The following ROCK2 variants were observed in gnomAD, a reference collection of about 807,000 sequenced individuals.
The protein encoded by ROCK2 is Rho associated coiled-coil containing protein kinase 2.
In ROCK2, 61 loss-of-function variants were observed where a neutral mutation model predicts 195.1. The observed-to-expected ratio is 0.31, with a 90% CI of 0.25 to 0.39. The LOEUF (loss-of-function observed/expected upper bound fraction) is 0.39, where lower values mean the gene tolerates loss of function less well. Ranked by LOEUF, ROCK2 falls within the 10% of genes least tolerant of loss-of-function variation. The pLI is 1.00. For synonymous variants in ROCK2, 504 were observed against 545.5 expected (o/e 0.92, Z 1.06); for missense variants, 1,109 against 1,637.4 (o/e 0.68, Z 5.57).
At chr2:11,301,395 G>A (rs762226853) in intron 1 of ROCK2, among the ~76,000 whole-genome samples, 3 of 151,922 alleles carry the variant, frequency 2.0e-5, no homozygotes, top group Admixed American at 6.6e-5. Flanking sequence ...TCCAGTCATA[G>A]TGTATATACT....
At chr2:11,302,456 C>CT (rs1667738153) in intron 1 of ROCK2, among the ~76,000 whole-genome samples, 1 of 152,064 alleles carries the variant, frequency 6.6e-6, no homozygotes, top group Admixed American at 6.6e-5. Flanking sequence ...TACAGGCACC[C>CT]CTAACATTAT....
Position 11,179,767 on chromosome 2 carries a change from C to T in ROCK2, c.*3670G>A, listed in dbSNP as rs1476788078. On this transcript the variant is annotated 3_prime_UTR_variant, in exon 33 of 33. Transcript: ENST00000315872. ...ATTTCACAGGAGAAGTATGAAAATGCTTATGTCTCCATTTATTTTATTTTA... is the reference window on the plus strand; with the variant it reads ...ATTTCACAGGAGAAGTATGAAAATGTTTATGTCTCCATTTATTTTATTTTA... 1.3e-5 allele frequency: 2 copies of T among 152,052 alleles called. No homozygotes were observed. Among genetic ancestry groups the T allele is most frequent in the African/African-American group, 2.4e-5 (1 of 41,400 alleles). 9.4% of individuals were successfully genotyped at this position (152,052 alleles called of 1,614,324 possible).
chr2:11,295,685 G>A (rs746814180), intron 1 of ROCK2, among the ~76,000 whole-genome samples: 8 of 152,100 alleles, frequency 5.3e-5, no homozygotes, highest in Non-Finnish European at 8.8e-5. Flanking sequence ...GGCCTGGCAT[G>A]ATGGCTCACG....
chr2:11,247,491 C>G (rs547829273), intron 4 of ROCK2, among the ~76,000 whole-genome samples: 2 of 152,218 alleles, frequency 1.3e-5, no homozygotes, highest in Admixed American at 1.3e-4. Flanking sequence ...TTCAATTGTA[C>G]TATGTTTCAC....
rs185753161 is a variant in ROCK2, at chr2:11,259,725, G to A, written c.325-9927C>T. On this transcript the variant is annotated intron_variant, in intron 3 of 32. Transcript: ENST00000315872. ...AGCAGTCCTATTTGGCACTACTTTT[G>A]GATTAATTTTATCTTTAAAATATAC... 7.9e-4 allele frequency among the ~76,000 whole-genome samples: 119 copies of A among 151,138 alleles called. No homozygotes were observed. In the East Asian group the frequency reaches 0.021, roughly 27 times the overall value.
rs779355928 is a variant in ROCK2 at position 11,221,207 on chromosome 2, C to G, written c.1250G>C (p.Arg417Thr). The change falls in exon 9 of 33, where the codon AGA becomes ACA. Residue 417 changes from arginine to threonine, a missense_variant. Arg to Thr is a moderately conservative substitution (Grantham distance 71). Around this residue, in one of 6 missense-constraint regions of ROCK2, gnomAD observed 542 missense variants for 672.0 expected, o/e 0.81. Transcript: ENST00000315872. ...QLPFIGFTYY[R>T]ENLLLSDSPS... Reference sequence around the variant, plus strand: ...ATAATAAACCACATACAAATTTTCTCTATAGTAGGTAAATCCGATGAAAGG... The same window carrying G: ...ATAATAAACCACATACAAATTTTCTGTATAGTAGGTAAATCCGATGAAAGG... 1.3e-6 allele frequency: 2 copies of G among 1,561,190 alleles called. No homozygotes were observed. Among genetic ancestry groups the G allele is most frequent in the East Asian group, 2.3e-5 (1 of 42,594 alleles).
intron 32 of ROCK2, among the ~76,000 whole-genome samples, chr2:11,186,457 T>TC (rs2148020809): frequency 6.6e-6 from 1 of 152,308 alleles, no homozygotes; most frequent in South Asian, 2.1e-4. Flanking sequence ...TACAACCCTC[T>TC]CCCTCATCCC....
rs932075660 is a variant in ROCK2 at position 11,218,441 on chromosome 2, C to A, written c.1332+14G>T. The A allele has an allele frequency of 4.5e-6, 7 of 1,554,416 alleles. No homozygotes were observed. In the African/African-American group the frequency reaches 5.5e-5, roughly 12 times the overall value. On this transcript the variant is annotated intron_variant, in intron 11 of 32. Coordinates refer to ENST00000315872, the MANE Select transcript of ROCK2 (RefSeq NM_004850.5). ...TTTCTCAGTTTTTCAATATATCTGA[C>A]AACATCAACATACCTCTTGACTTTC...
In ROCK2 at chr2:11,216,221, A is replaced by C; in HGVS notation, c.1413-15T>G. 1 of 1,574,936 alleles carries C rather than the reference A, an allele frequency of 6.3e-7. No individual in the cohort carries two copies. On this transcript the variant is annotated splice_polypyrimidine_tract_variant and intron_variant, in intron 12 of 32. Coordinates refer to ENST00000315872, the MANE Select transcript of ROCK2 (RefSeq NM_004850.5). ...TATTAACAGATCTAAAGAATTTCAG[A>C]AAGAAACAGTAAATAACTTCTAATT...
At chr2:11,207,410 C>T (rs943000332) in intron 20 of ROCK2, among the ~76,000 whole-genome samples, 4 of 152,092 alleles carry the variant, frequency 2.6e-5, no homozygotes, top group Non-Finnish European at 4.4e-5. Flanking sequence ...AACAGGCACA[C>T]GGACAATAAG....
chr2:11,248,219 G>A (rs1665688622), intron 4 of ROCK2, among the ~76,000 whole-genome samples: 1 of 149,818 alleles, frequency 6.7e-6, no homozygotes, highest in Non-Finnish European at 1.5e-5. Flanking sequence ...TTTTTTGGGG[G>A]GGGATGGGGG....
Position 11,183,209 on chromosome 2 carries a change from T to C in ROCK2, c.*228A>G. Reference sequence around the variant, plus strand: ...GAAAAGTCTGGAAGAGTTGCATATATCCTTAGTCTATCAACCAATCATTGT... The same window carrying C: ...GAAAAGTCTGGAAGAGTTGCATATACCCTTAGTCTATCAACCAATCATTGT... On this transcript the variant is annotated 3_prime_UTR_variant, in exon 33 of 33. Transcript: ENST00000315872. 2.2e-6 allele frequency: 1 copy of C among 449,632 alleles called. No homozygotes were observed. Among genetic ancestry groups the C allele is most frequent in the Non-Finnish European group, 4.1e-6 (1 of 246,454 alleles). 27.9% of individuals were successfully genotyped at this position (449,632 alleles called of 1,614,324 possible).
intron 1 of ROCK2, among the ~76,000 whole-genome samples, chr2:11,298,445 G>A (rs1667602447): frequency 9.1e-6 from 1 of 109,462 alleles, no homozygotes; most frequent in Non-Finnish European, 1.7e-5. Context: ...ACTCCAGCCT[G>A]AACAACAGAG....
intron 7 of ROCK2, among the ~76,000 whole-genome samples, chr2:11,223,012 T>C (rs998963574): frequency 2.0e-5 from 3 of 152,098 alleles, no homozygotes; most frequent in African/African-American, 7.2e-5. Flanking sequence ...CAGCACAAAT[T>C]ATGGCCATCC....
intron 1 of ROCK2, among the ~76,000 whole-genome samples, chr2:11,311,760 C>A (rs540371577): frequency 1.3e-5 from 2 of 149,978 alleles, no homozygotes; most frequent in East Asian, 1.9e-4. Flanking sequence ...AAAGCGCACA[C>A]GCGCGTGCAC....
At chr2:11,309,181 T>A (rs1449725919) in intron 1 of ROCK2, among the ~76,000 whole-genome samples, 10 of 146,500 alleles carry the variant, frequency 6.8e-5, no homozygotes, top group African/African-American at 2.3e-4. Context: ...TACTTTCTAT[T>A]AAAAAAAAAA....
At chr2:11,189,587 C>T (rs1041489105) in intron 32 of ROCK2, among the ~76,000 whole-genome samples, 4 of 152,310 alleles carry the variant, frequency 2.6e-5, no homozygotes, top group Admixed American at 6.5e-5. Flanking sequence ...TCAGTTCCTT[C>T]GCTTGCTACA....
intron 1 of ROCK2, among the ~76,000 whole-genome samples, chr2:11,290,624 C>G (rs1005446105): frequency 1.3e-5 from 2 of 151,924 alleles, no homozygotes; most frequent in African/African-American, 4.8e-5. Flanking sequence ...AACACTACCA[C>G]CAATAACTGA....
intron 6 of ROCK2, among the ~76,000 whole-genome samples, chr2:11,226,643 G>A (rs1340379780): frequency 6.6e-6 from 1 of 152,008 alleles, no homozygotes; most frequent in African/African-American, 2.4e-5. Flanking sequence ...TAGGTGTGGT[G>A]GTTCATGCCT....
Sources: allele counts gnomAD v4.1 joint callset (sites outside exome capture counted in the v4.1 genomes callset), GRCh38; gene constraint gnomAD v4.1.1; regional missense constraint gnomAD v4.1.1; transcripts MANE v1.5; gene names NCBI Gene and HGNC (gene_info 2026-07-23, HGNC 2026-07-21).